Variants in IL1RAPL2 observed in about 807,000 individuals in gnomAD.
The protein encoded by IL1RAPL2 is X-linked interleukin-1 receptor accessory protein-like 2.
In IL1RAPL2, 3 loss-of-function variants were observed where a neutral mutation model predicts 44.1. The ratio of observed to expected loss-of-function variants is 0.07; its 90% confidence interval spans 0.03 to 0.18. The LOEUF (loss-of-function observed/expected upper bound fraction) is 0.18. Ranked by LOEUF, IL1RAPL2 falls within the 10% of genes least tolerant of loss-of-function variation. The pLI is 1.00. For missense variants in IL1RAPL2, 391 were observed against 496.4 expected (o/e 0.79, Z 2.02); for synonymous variants, 181 against 178.8 (o/e 1.01, Z -0.10).
At position 105,334,379 on chromosome X, in the gene IL1RAPL2, G is replaced by A. The variant is rs149560654; in HGVS notation, c.697+66838G>A. Among the ~76,000 whole-genome samples the A allele has an allele frequency of 6.3e-3, 595 of 93,751 alleles. 5 individuals are homozygous for A. Among genetic ancestry groups the A allele is most frequent in the African/African-American group, 0.019 (554 of 29,413 alleles). The allele number at this position is 93,751 out of a possible 115,157, so 81.4% of individuals were successfully genotyped here. A position where few individuals can be genotyped will look rare whatever the true frequency, so the allele number is the denominator to read the frequency against. ...CAGAGGCTTGGAATGGTAGTGGGGT[G>A]TGGAGGCAGGGATGGTTAATGGGTA... On this transcript the variant is annotated intron_variant, in intron 5 of 10. Coordinates refer to ENST00000372582, the MANE Select transcript of IL1RAPL2 (RefSeq NM_017416.2).
chrX:105,537,935 C>T (rs1380051577), intron 6 of IL1RAPL2, among the ~76,000 whole-genome samples: 1 of 110,211 alleles, frequency 9.1e-6, no homozygotes, highest in Non-Finnish European at 1.9e-5. Context: ...TAAAGGAAAA[C>T]CCTTCATCTA....
At position 104,602,900 on chromosome X, in the gene IL1RAPL2, C is replaced by T. The variant is rs1031914819; in HGVS notation, c.-20+35849C>T. On this transcript the variant is annotated intron_variant, in intron 1 of 10. Coordinates refer to ENST00000372582, the MANE Select transcript of IL1RAPL2 (RefSeq NM_017416.2). ...GGGAAAGGGGCAGTTGTGGGCGAAG[C>T]TTCAGCAGACTTAAATGCCCCTGCC... 1.8e-5 allele frequency among the ~76,000 whole-genome samples: 2 copies of T among 111,820 alleles called. 1 individual carries two copies. Among genetic ancestry groups the T allele is most frequent in the Admixed American group, 1.9e-4 (2 of 10,534 alleles).
chrX:105,381,730 C>A (rs887885050), intron 5 of IL1RAPL2, among the ~76,000 whole-genome samples: 6 of 111,685 alleles, frequency 5.4e-5, no homozygotes, highest in Non-Finnish European at 7.5e-5. Flanking sequence ...AAATACTTAT[C>A]ATTTCTTTGT....
intron 2 of IL1RAPL2, among the ~76,000 whole-genome samples, chrX:104,779,076 C>T (rs1932756682): frequency 8.9e-6 from 1 of 112,040 alleles, no homozygotes; most frequent in Non-Finnish European, 1.9e-5. Context: ...GACTTCTTCT[C>T]CCTTTTTAAA....
intron 2 of IL1RAPL2, among the ~76,000 whole-genome samples, chrX:104,730,453 A>G (rs1254278283): frequency 1.1e-5 from 1 of 93,468 alleles, no homozygotes; most frequent in Non-Finnish European, 2.1e-5. Context: ...ATTCCCATCT[A>G]TGAGTGAGAA....
chrX:104,744,094 G>C (rs748113466), intron 2 of IL1RAPL2, among the ~76,000 whole-genome samples: 61 of 110,869 alleles, frequency 5.5e-4, no homozygotes, highest in Non-Finnish European at 8.9e-4. Context: ...GTACACAAAG[G>C]GATGGGTGGC....
intron 1 of IL1RAPL2, among the ~76,000 whole-genome samples, chrX:104,610,644 G>A (rs1929133993): frequency 9.0e-6 from 1 of 111,668 alleles, no homozygotes; most frequent in African/African-American, 3.3e-5. Flanking sequence ...CAAACAAATG[G>A]AAGAACATTC....
At chrX:105,688,980 C>A (rs2038010917) in intron 6 of IL1RAPL2, among the ~76,000 whole-genome samples, 1 of 111,580 alleles carries the variant, frequency 9.0e-6, no homozygotes, top group Non-Finnish European at 1.9e-5. Flanking sequence ...GGAAATGATT[C>A]CCTGTGTAAT....
chrX:104,899,017 A>G lies in IL1RAPL2; in HGVS notation c.82+240022A>G, dbSNP rs756615354. ...AAATACCAAGCAATTTGAATTAAAC[A>G]GATTAAGTCGTAGTATTGCTATTCC... is the stretch of plus-strand genomic sequence containing the variant. On this transcript the variant is annotated intron_variant, in intron 2 of 10. Coordinates refer to ENST00000372582, the MANE Select transcript of IL1RAPL2 (RefSeq NM_017416.2). 3.6e-5 allele frequency among the ~76,000 whole-genome samples: 4 copies of G among 112,306 alleles called. No homozygotes were observed. The South Asian group carries it at 1.1e-3, about 31-fold the overall frequency.
intron 2 of IL1RAPL2, among the ~76,000 whole-genome samples, chrX:104,904,502 T>C (rs1432848207): frequency 4.4e-5 from 4 of 89,991 alleles, no homozygotes; most frequent in African/African-American, 1.7e-4. Context: ...CCTTCCTGTG[T>C]CCATGTGATC....
At chrX:104,890,235 G>C (rs1325900476) in intron 2 of IL1RAPL2, among the ~76,000 whole-genome samples, 2 of 111,550 alleles carry the variant, frequency 1.8e-5, no homozygotes, top group Non-Finnish European at 3.8e-5. Flanking sequence ...TTTTGCTATC[G>C]TGAATAGTGC....
At chrX:105,479,347 G>A (rs1436699666) in intron 5 of IL1RAPL2, among the ~76,000 whole-genome samples, 1 of 111,637 alleles carries the variant, frequency 9.0e-6, no homozygotes, top group Non-Finnish European at 1.9e-5. Context: ...AAACTTAGAG[G>A]AAGAGTTTAA....
At chrX:105,732,347 G>C (rs1347987200) in intron 7 of IL1RAPL2, among the ~76,000 whole-genome samples, 2 of 111,010 alleles carry the variant, frequency 1.8e-5, no homozygotes, top group African/African-American at 3.3e-5. Flanking sequence ...GGAGGTGATT[G>C]GATCATGGGA....
At chrX:105,240,065 G>A (rs2034156767) in intron 4 of IL1RAPL2, among the ~76,000 whole-genome samples, 1 of 112,082 alleles carries the variant, frequency 8.9e-6, no homozygotes, top group Non-Finnish European at 1.9e-5. Flanking sequence ...TTAAACATTG[G>A]TTATAAACTA....
chrX:105,354,082 C>T (rs763100494), intron 5 of IL1RAPL2, among the ~76,000 whole-genome samples: 1 of 110,919 alleles, frequency 9.0e-6, no homozygotes, highest in Non-Finnish European at 1.9e-5. Context: ...TCATAGATAG[C>T]TCTTATTATT....
chrX:105,234,762 C>G (rs1359739471), intron 4 of IL1RAPL2, among the ~76,000 whole-genome samples: 2 of 104,686 alleles, frequency 1.9e-5, no homozygotes, highest in East Asian at 6.1e-4. Context: ...GAGCCGAGAT[C>G]ATGTCACTGT....
chrX:105,159,981 A>AACC (rs1390905927), intron 2 of IL1RAPL2, among the ~76,000 whole-genome samples: 7 of 75,924 alleles, frequency 9.2e-5, no homozygotes, highest in African/African-American at 5.3e-4. Context: ...TGACTTAAAG[A>AACC]ACCCCCCCCC....
intron 2 of IL1RAPL2, among the ~76,000 whole-genome samples, chrX:105,063,849 C>T (rs764439637): frequency 1.8e-5 from 2 of 112,029 alleles, no homozygotes; most frequent in Admixed American, 9.4e-5. Context: ...ATTTGAATTA[C>T]CAGGTAGAAA....
chrX:104,655,147 TAATTGA>T (rs1930230063), intron 1 of IL1RAPL2, among the ~76,000 whole-genome samples: 10 of 111,745 alleles, frequency 8.9e-5, no homozygotes, highest in Admixed American at 5.7e-4. Context: ...CCTCTTTTCC[TAATTGA>T]ATACCCTTTA....
Sources: gnomAD v4.1 joint callset for allele counts (sites outside exome capture counted in the v4.1 genomes callset) on GRCh38, gnomAD v4.1.1 for gene constraint, MANE v1.5 for transcripts, NCBI Gene and HGNC (gene_info 2026-07-23, HGNC 2026-07-21) for gene names.